ATP2B4: variants seen among roughly 807,000 people sequenced by gnomAD.
ATP2B4 encodes the protein plasma membrane calcium-transporting ATPase 4.
In ATP2B4, 39 loss-of-function variants were observed where a neutral mutation model predicts 110.3. That is an observed-to-expected ratio of 0.35 (90% confidence interval 0.27 to 0.46). The LOEUF is 0.46. Ranked by LOEUF, ATP2B4 falls within the 20% of genes least tolerant of loss-of-function variation. The pLI, the probability that ATP2B4 is intolerant of heterozygous loss-of-function variation, is 1.00. For missense variants in ATP2B4, 1,135 were observed against 1,530.9 expected, an observed-to-expected ratio of 0.74 and a Z score of 4.32; for synonymous variants, 538 against 571.7, an observed-to-expected ratio of 0.94 and a Z score of 0.84.
intron 1 of ATP2B4, among the ~76,000 whole-genome samples, chr1:203,650,034 C>T (rs1356092106): frequency 6.6e-6 from 1 of 152,208 alleles, no homozygotes; most frequent in Non-Finnish European, 1.5e-5. Flanking sequence ...CTCAGATTTA[C>T]CCCAGCCTTC....
intron 6 of ATP2B4, among the ~76,000 whole-genome samples, chr1:203,701,226 G>A (rs1380037030): frequency 6.6e-6 from 1 of 152,136 alleles, no homozygotes; most frequent in African/African-American, 2.4e-5. Flanking sequence ...GCTAGGTGCT[G>A]GTAGCCCCAA....
chr1:203,683,666 C>CTTTTTTTTTTTTTTTTTTTTTTTTTTTCT (rs11326748), intron 2 of ATP2B4, among the ~76,000 whole-genome samples: 1 of 77,700 alleles, frequency 1.3e-5, no homozygotes, highest in Non-Finnish European at 2.4e-5. Flanking sequence ...TCTTTTGTTT[C>CTTTTTTTTTTTTTTTTTTTTTTTTTTTCT]TTTTTTTTTT....
chr1:203,719,464 C>G (rs916668552), intron 15 of ATP2B4, among the ~76,000 whole-genome samples: 1 of 151,952 alleles, frequency 6.6e-6, no homozygotes, highest in Non-Finnish European at 1.5e-5. Context: ...AATCCCAGCA[C>G]TTTGGGAGGC....
chr1:203,652,404 C>T (rs1664026096), intron 1 of ATP2B4, among the ~76,000 whole-genome samples: 1 of 152,136 alleles, frequency 6.6e-6, no homozygotes, highest in African/African-American at 2.4e-5. Flanking sequence ...CCTCGGCCTC[C>T]CAAAGTGCTG....
intron 2 of ATP2B4, among the ~76,000 whole-genome samples, chr1:203,689,740 C>T (rs909591033): frequency 6.6e-6 from 1 of 152,202 alleles, no homozygotes; most frequent in African/African-American, 2.4e-5. Flanking sequence ...TTCCATAGAG[C>T]TTACAGGCTA....
chr1:203,668,187 C>G (rs1363599398), intron 1 of ATP2B4, among the ~76,000 whole-genome samples: 1 of 152,136 alleles, frequency 6.6e-6, no homozygotes, highest in African/African-American at 2.4e-5. Flanking sequence ...GGAGGTGGAA[C>G]AGTGGAGCCA....
At chr1:203,638,754 C>T (rs1188758845) in intron 1 of ATP2B4, among the ~76,000 whole-genome samples, 11 of 152,162 alleles carry the variant, frequency 7.2e-5, no homozygotes, top group Non-Finnish European at 1.6e-4. Context: ...GAACTATCCC[C>T]GTCCCTCCAA....
chr1:203,697,360 A>G (rs1484636566), intron 2 of ATP2B4, among the ~76,000 whole-genome samples: 1 of 152,224 alleles, frequency 6.6e-6, no homozygotes, highest in Non-Finnish European at 1.5e-5. Context: ...TGTGTGAGCC[A>G]ATGGATGGCA....
At chr1:203,662,248 G>A (rs1268235958) in intron 1 of ATP2B4, among the ~76,000 whole-genome samples, 5 of 152,112 alleles carry the variant, frequency 3.3e-5, no homozygotes, top group South Asian at 2.1e-4. Flanking sequence ...GGATGGTCTC[G>A]ATCTCCGGAC....
intron 7 of ATP2B4, among the ~76,000 whole-genome samples, chr1:203,702,547 G>A (rs1189041183): frequency 2.0e-5 from 3 of 152,114 alleles, no homozygotes; most frequent in Non-Finnish European, 2.9e-5. Flanking sequence ...GTCTTCTCAG[G>A]GGTGCTTGGA....
intron 8 of ATP2B4, among the ~76,000 whole-genome samples, chr1:203,706,449 G>T (rs532851211): frequency 9.2e-5 from 14 of 152,176 alleles, no homozygotes; most frequent in Non-Finnish European, 1.9e-4. Flanking sequence ...TCTTCTATGT[G>T]TGCCGTGACA....
chr1:203,689,467 T>G (rs1382750510), intron 2 of ATP2B4, among the ~76,000 whole-genome samples: 4 of 152,224 alleles, frequency 2.6e-5, no homozygotes. Context: ...GAGCCTTGAA[T>G]AAACAGCAAA....
intron 2 of ATP2B4, among the ~76,000 whole-genome samples, chr1:203,692,154 G>T (rs937898619): frequency 6.6e-6 from 1 of 151,674 alleles, no homozygotes; most frequent in Non-Finnish European, 1.5e-5. Context: ...TGCTGGGATT[G>T]CAGGCGTGAG....
chr1:203,648,468 C>A (rs1053643427), intron 1 of ATP2B4, among the ~76,000 whole-genome samples: 7 of 152,110 alleles, frequency 4.6e-5, no homozygotes, highest in Non-Finnish European at 8.8e-5. Flanking sequence ...CCACTTGACA[C>A]CCCTTGGCAG....
Position 203,740,133 on chromosome 1 carries a change from T to G in ATP2B4, c.*279T>G. Reference sequence around the variant, plus strand: ...TAGTCACTTGTCATTTTTAAAGAAATGATGACAATCCTCTTGGCATCACCC... The same window carrying G: ...TAGTCACTTGTCATTTTTAAAGAAAGGATGACAATCCTCTTGGCATCACCC... On this transcript the variant is annotated 3_prime_UTR_variant, in exon 21 of 21. Transcript: ENST00000357681. 3 of 382,352 alleles carry G rather than the reference T, an allele frequency of 7.8e-6. No individual in the cohort carries two copies. The South Asian group carries it at 1.4e-4, about 17-fold the overall frequency. The allele number at this position is 382,352 out of a possible 1,614,324, so 23.7% of individuals were successfully genotyped here. A position where few individuals can be genotyped will look rare whatever the true frequency, so the allele number is the denominator to read the frequency against.
intron 2 of ATP2B4, among the ~76,000 whole-genome samples, chr1:203,697,118 T>C (rs1267247519): frequency 6.6e-6 from 1 of 152,236 alleles, no homozygotes; most frequent in Non-Finnish European, 1.5e-5. Flanking sequence ...TGGTGTGTGT[T>C]TGTGCCTCTG....
In ATP2B4 at chr1:203,713,015, G is replaced by C. The variant is rs1030697293; in HGVS notation, c.2212-150G>C. ...ATCTACCCTTGGAGACTGGTTGGCT[G>C]TTTCATCTCTGCTTAATCCAGAATA... On this transcript the variant is annotated intron_variant, in intron 13 of 20. Transcript: ENST00000357681. The C allele has an allele frequency of 2.2e-5, 18 of 813,200 alleles. No individual in the cohort carries two copies. The African/African-American group carries it at 2.6e-4, about 12-fold the overall frequency. The allele number at this position is 813,200 out of a possible 1,614,324, so 50.4% of individuals were successfully genotyped here.
chr1:203,728,693 A>T (rs1421770481), intron 20 of ATP2B4, among the ~76,000 whole-genome samples: 3 of 152,050 alleles, frequency 2.0e-5, no homozygotes, highest in East Asian at 3.9e-4. Flanking sequence ...CCGCGTCTCT[A>T]CTAAAAATCC....
At chr1:203,676,850 G>T (rs1271047390) in intron 1 of ATP2B4, among the ~76,000 whole-genome samples, 1 of 152,114 alleles carries the variant, frequency 6.6e-6, no homozygotes, top group South Asian at 2.1e-4. Flanking sequence ...GGGGAAGGGA[G>T]GGTGTCTGCT....
Sources: allele counts gnomAD v4.1 joint callset (sites outside exome capture counted in the v4.1 genomes callset), GRCh38; gene constraint gnomAD v4.1.1; transcripts MANE v1.5; gene names NCBI Gene and HGNC (gene_info 2026-07-23, HGNC 2026-07-21).